Variants in ALMS1 observed in about 807,000 individuals in gnomAD.
The protein encoded by ALMS1 is ALMS1 centrosome and basal body associated protein.
Under a neutral mutation model 352.2 loss-of-function variants are expected in ALMS1, and 271 were observed. That is an observed-to-expected ratio of 0.77 (90% CI 0.70 to 0.85). The LOEUF is 0.85. ALMS1 is among the 40% of genes least tolerant of loss of function. ALMS1 has a pLI of 0.00. For synonymous variants in ALMS1, 1,865 were observed against 1,761.2 expected (o/e 1.06, Z -1.48); for missense variants, 5,445 against 4,870.7 (o/e 1.12, Z -3.51).
intron 9 of ALMS1, among the ~76,000 whole-genome samples, chr2:73,463,036 T>C (rs1672242557): frequency 6.6e-6 from 1 of 152,078 alleles, no homozygotes; most frequent in Non-Finnish European, 1.5e-5. Context: ...CTGTCAACAT[T>C]AGACAGATCA....
chr2:73,529,852 T>C (rs1304681353), intron 11 of ALMS1, among the ~76,000 whole-genome samples: 2 of 152,128 alleles, frequency 1.3e-5, no homozygotes, highest in East Asian at 1.9e-4. Flanking sequence ...AAGGCACGTC[T>C]TACATGGGGG....
At chr2:73,564,465 CAAA>C (rs367797062) in intron 15 of ALMS1, among the ~76,000 whole-genome samples, 2 of 63,354 alleles carry the variant, frequency 3.2e-5, no homozygotes, top group African/African-American at 5.3e-5. Context: ...GACTCCGTCT[CAAA>C]AAAAAAAAAA....
chr2:73,440,128 G>A lies in ALMS1; in HGVS notation c.1433-7832G>A, dbSNP rs1671687271. Reference sequence around the variant, plus strand: ...CCTAAGTAGCTGGGATTACAGGTGTGTGCCATCACGCCTGGCTAATTGTTT... The same window carrying A: ...CCTAAGTAGCTGGGATTACAGGTGTATGCCATCACGCCTGGCTAATTGTTT... On this transcript the variant is annotated intron_variant, in intron 7 of 22. Transcript: ENST00000613296. 5.3e-5 allele frequency among the ~76,000 whole-genome samples: 8 copies of A among 152,122 alleles called. 1 individual carries two copies. In the South Asian group the frequency reaches 1.5e-3, roughly 28 times the overall value.
chr2:73,428,684 A>G (rs1671442588), intron 6 of ALMS1, among the ~76,000 whole-genome samples: 1 of 152,206 alleles, frequency 6.6e-6, no homozygotes, highest in Admixed American at 6.5e-5. Flanking sequence ...CTTTCAATCT[A>G]AGGAAGATGC....
chr2:73,552,823 A>C (rs1159133871), intron 13 of ALMS1, among the ~76,000 whole-genome samples: 1 of 152,220 alleles, frequency 6.6e-6, no homozygotes, highest in Non-Finnish European at 1.5e-5. Flanking sequence ...AAAATATCAT[A>C]TCATAAGTAA....
At chr2:73,484,796 A>G (rs1266793643) in intron 9 of ALMS1, among the ~76,000 whole-genome samples, 1 of 151,644 alleles carries the variant, frequency 6.6e-6, no homozygotes, top group Non-Finnish European at 1.5e-5. Context: ...TTTTCTCTAA[A>G]CTTCCCTTCT....
chr2:73,438,603 C>T (rs914753986), intron 7 of ALMS1, among the ~76,000 whole-genome samples: 2 of 152,096 alleles, frequency 1.3e-5, no homozygotes, highest in Non-Finnish European at 2.9e-5. Flanking sequence ...TTTGGAAGAT[C>T]TTAAATAATT....
intron 11 of ALMS1, among the ~76,000 whole-genome samples, chr2:73,524,526 G>A (rs1673748732): frequency 6.6e-6 from 1 of 152,124 alleles, no homozygotes. Flanking sequence ...CATGATCTCA[G>A]CTCACTGCAA....
intron 12 of ALMS1, among the ~76,000 whole-genome samples, chr2:73,539,541 T>C (rs1674115987): frequency 1.3e-5 from 2 of 151,944 alleles, no homozygotes; most frequent in South Asian, 2.1e-4. Flanking sequence ...CTTTGACGAG[T>C]TGAGAGAAGA....
intron 9 of ALMS1, among the ~76,000 whole-genome samples, chr2:73,463,360 A>G (rs1471046451): frequency 3.3e-5 from 5 of 152,234 alleles, no homozygotes; most frequent in South Asian, 4.2e-4. Context: ...TACTGGGTAC[A>G]TAACGAAATG....
chr2:73,423,026 T>G, intron 4 of ALMS1, 52 bp downstream of exon 4: 1 of 1,482,372 alleles, frequency 6.7e-7, no homozygotes. Flanking sequence ...TCTATGTTTT[T>G]ACTAATATTA....
rs181467495 is a variant in ALMS1, at chr2:73,485,896, C to G, written c.7675-3738C>G. Among the ~76,000 whole-genome samples the G allele has an allele frequency of 4.5e-3, 690 of 152,286 alleles. 22 individuals carry two copies. The highest frequency in any genetic ancestry group is 0.042 in the Admixed American group (637 of 15,302). ...AAAGGGAACTCCCTGACCCCTTGCG[C>G]TTCCCAAGTGAGGCAATGCCTTGCC... On this transcript the variant is annotated intron_variant, in intron 9 of 22. Coordinates refer to ENST00000613296, the MANE Select transcript of ALMS1 (RefSeq NM_001378454.1).
At chr2:73,482,749 T>C (rs1432047988) in intron 9 of ALMS1, among the ~76,000 whole-genome samples, 1 of 152,050 alleles carries the variant, frequency 6.6e-6, no homozygotes, top group Non-Finnish European at 1.5e-5. Context: ...ATTGCCACAA[T>C]TTCAGATCCT....
chr2:73,489,842 A>C lies in ALMS1; in HGVS notation c.7883A>C (p.Asn2628Thr), dbSNP rs776280658. The part of the protein sequence containing the change: ...NPSSCRAKHV[N>T]LSASLDQNNS... ...TCATCATGCAGAGCCAAGCATGTCA[A>C]CCTTTCTGCATCCTTAGACCAGAAC... The change falls in exon 10 of 23, where the codon AAC becomes ACC. Residue 2628 changes from asparagine (N) to threonine (T), a missense_variant. Transcript: ENST00000613296. 6.2e-7 allele frequency: 1 copy of C among 1,614,052 alleles called. No individual in the cohort carries two copies. Among genetic ancestry groups the C allele is most frequent in the African/African-American group, 1.3e-5 (1 of 74,910 alleles).
At chr2:73,500,117 A>G (rs1673189915) in intron 10 of ALMS1, among the ~76,000 whole-genome samples, 1 of 152,242 alleles carries the variant, frequency 6.6e-6, no homozygotes, top group Non-Finnish European at 1.5e-5. Flanking sequence ...GGTTCTAAAT[A>G]TGATGAATAA....
Position 73,448,035 on chromosome 2 carries a change from A to G in ALMS1, c.1508A>G (p.Asp503Gly), listed in dbSNP as rs771835386. 68 of 1,613,944 alleles carry G rather than the reference A, an allele frequency of 4.2e-5. No individual in the cohort carries two copies. Among genetic ancestry groups the G allele is most frequent in the Non-Finnish European group, 5.5e-5 (65 of 1,179,890 alleles). ...TCAGGCATCACTACCACTCCTGTTGATTCAGACATTGGATCTCATTTATCC... is the reference window on the plus strand; with the variant it reads ...TCAGGCATCACTACCACTCCTGTTGGTTCAGACATTGGATCTCATTTATCC... The part of the protein sequence containing the change: ...LKSGITTTPV[D>G]SDIGSHLSLS... Residue 503 changes from aspartate to glycine, a missense_variant, in exon 8 of 23, where the codon GAT becomes GGT. Transcript: ENST00000613296.
At chr2:73,521,580 C>CAAAAAAAA (rs565126393) in intron 11 of ALMS1, among the ~76,000 whole-genome samples, 56 of 94,810 alleles carry the variant, frequency 5.9e-4, no homozygotes, top group East Asian at 2.4e-3. Flanking sequence ...ACTAAAAATA[C>CAAAAAAAA]AAAAAAAAAA....
intron 9 of ALMS1, among the ~76,000 whole-genome samples, chr2:73,488,892 T>TC (rs898540568): frequency 6.6e-6 from 1 of 152,102 alleles, no homozygotes; most frequent in Non-Finnish European, 1.5e-5. Context: ...CTTGGTTTTT[T>TC]CCCCCCATTG....
intron 11 of ALMS1, among the ~76,000 whole-genome samples, chr2:73,529,132 C>T (rs555149176): frequency 6.0e-5 from 9 of 150,700 alleles, no homozygotes; most frequent in South Asian, 4.2e-4. Flanking sequence ...CAGCCTCTGC[C>T]GCCTGGGTTC....
Sources: allele counts gnomAD v4.1 joint callset (sites outside exome capture counted in the v4.1 genomes callset), GRCh38; gene constraint gnomAD v4.1.1; transcripts MANE v1.5; gene names NCBI Gene and HGNC (gene_info 2026-07-23, HGNC 2026-07-21).